Variants in TDP2 observed in about 807,000 individuals in gnomAD.
The protein encoded by TDP2 is 5'-Tyr-DNA phosphodiesterase.
In TDP2, 38 loss-of-function variants were observed where a neutral mutation model predicts 42.8. The ratio of observed to expected loss-of-function variants is 0.89; its 90% CI spans 0.68 to 1.16. The LOEUF (loss-of-function observed/expected upper bound fraction) is 1.16. Among genes scored for constraint, TDP2 ranks in the 50% most tolerant of loss-of-function variants. The pLI, the probability that TDP2 is intolerant of heterozygous loss-of-function variation, is 0.00. For missense variants in TDP2, 439 were observed against 439.3 expected (o/e 1.00, Z 0.01); for synonymous variants, 173 against 150.6 (o/e 1.15, Z -1.09).
intron 4 of TDP2, among the ~76,000 whole-genome samples, chr6:24,655,036 C>T (rs1449975697): frequency 1.3e-5 from 2 of 151,906 alleles, no homozygotes; most frequent in Non-Finnish European, 2.9e-5. Flanking sequence ...GAAATTCCGT[C>T]TCAAAATAAA....
chr6:24,657,904 C>A lies in TDP2; in HGVS notation c.426-1G>T. The A allele has an allele frequency of 6.5e-7, 1 of 1,539,814 alleles. No individual in the cohort carries two copies. Among genetic ancestry groups the A allele is most frequent in the East Asian group, 2.4e-5 (1 of 42,052 alleles). On this transcript the variant is annotated splice_acceptor_variant, in intron 3 of 6. Transcript: ENST00000378198. LOFTEE classifies it high-confidence loss of function. ...TAGAAATATCACATCTGGGCTGTAC[C>A]TAATGAAAAACATCAATTTATGACA...
rs1562148764 is a variant in TDP2 at position 24,658,637 on chromosome 6, TGAGA to T, written c.345_348del (p.Ile117ProfsTer7). 3 of 1,613,980 alleles carry T rather than the reference TGAGA, an allele frequency of 1.9e-6. No homozygotes were observed. ...TCTAATCCATCAATATTCCAGGTAA[TGAGA>T]GAGAACATGCTGCCATTTTCTTGCT... On this transcript the variant is annotated frameshift_variant, in exon 3 of 7. Coordinates refer to ENST00000378198, the MANE Select transcript of TDP2 (RefSeq NM_016614.3). LOFTEE classifies it high-confidence loss of function.
chr6:24,650,905 T>C lies in TDP2; in HGVS notation c.972A>G (p.Ala324=). 6 of 1,614,174 alleles carry C rather than the reference T, an allele frequency of 3.7e-6. No individual in the cohort carries two copies. The highest frequency in any genetic ancestry group is 5.1e-6 in the Non-Finnish European group (6 of 1,180,020). Residue 324 remains alanine, a synonymous_variant, in exon 7 of 7, where the codon GCA becomes GCG. Transcript: ENST00000378198. ...TTCGGGGAATAATGTGTCCCTCTTC[T>C]GCTGCTGCTCTGAAAAATATTCGAT... ...RFDRIFFRAA[A]EEGHIIPRSL... is the part of the protein sequence containing the mutation.
chr6:24,652,834 G>T, intron 6 of TDP2, 149 bp downstream of exon 6: 1 of 828,156 alleles, frequency 1.2e-6, no homozygotes, highest in Non-Finnish European at 2.0e-6. Flanking sequence ...TACAGCATAG[G>T]CTAAACAAAT....
At chr6:24,660,516 T>C (rs774181747) in intron 2 of TDP2, among the ~76,000 whole-genome samples, 34 of 152,268 alleles carry the variant, frequency 2.2e-4, no homozygotes, top group Non-Finnish European at 3.8e-4. Context: ...AATACAGTAA[T>C]ATAATCTTAT....
intron 2 of TDP2, among the ~76,000 whole-genome samples, chr6:24,661,833 G>T (rs1028284844): frequency 4.6e-5 from 7 of 152,090 alleles, no homozygotes; most frequent in African/African-American, 1.4e-4. Flanking sequence ...GGGAAAGAGA[G>T]ATCAGACTGT....
chr6:24,650,461 G>T lies in TDP2; in HGVS notation c.*327C>A. 4.4e-6 allele frequency: 1 copy of T among 229,198 alleles called. No homozygotes were observed. The highest frequency in any genetic ancestry group is 9.9e-5 in the South Asian group (1 of 10,094). The allele number at this position is 229,198 out of a possible 1,614,324, so 14.2% of individuals were successfully genotyped here. On this transcript the variant is annotated 3_prime_UTR_variant, in exon 7 of 7. Coordinates refer to ENST00000378198, the MANE Select transcript of TDP2 (RefSeq NM_016614.3). ...CTTATTTCAAATATTAACTATTTCG[G>T]TGCCTGAATGGAAAAATATAAACAT... is the stretch of plus-strand genomic sequence containing the variant.
chr6:24,653,748 A>G lies in TDP2; in HGVS notation c.637-595T>C, dbSNP rs540074702. 5.9e-5 allele frequency among the ~76,000 whole-genome samples: 9 copies of G among 152,234 alleles called. No individual in the cohort carries two copies. In the South Asian group the frequency reaches 1.5e-3, roughly 25 times the overall value. ...TAATCAGGAGCCTACCTACTTCTCA[A>G]CCTGTCACATTTGCCTCTCCATGGC... On this transcript the variant is annotated intron_variant, in intron 5 of 6. Transcript: ENST00000378198.
At chr6:24,653,834 T>TG (rs1354483411) in intron 5 of TDP2, among the ~76,000 whole-genome samples, 7 of 152,240 alleles carry the variant, frequency 4.6e-5, no homozygotes, top group African/African-American at 1.7e-4. Context: ...TCTTGCAACT[T>TG]GCAAAAGTTT....
chr6:24,663,090 A>C (rs1479896396), intron 2 of TDP2, among the ~76,000 whole-genome samples: 1 of 152,170 alleles, frequency 6.6e-6, no homozygotes, highest in East Asian at 1.9e-4. Context: ...TTTCCTCAAC[A>C]GGTGGACTGT....
chr6:24,660,757 T>C (rs1267727517), intron 2 of TDP2, among the ~76,000 whole-genome samples: 1 of 152,218 alleles, frequency 6.6e-6, no homozygotes, highest in Non-Finnish European at 1.5e-5. Flanking sequence ...ATGGCATGTC[T>C]CTTTTAATTT....
intron 1 of TDP2, 26 bp from the exon 2 acceptor site, chr6:24,666,637 A>T (rs748879090): frequency 1.9e-6 from 3 of 1,613,996 alleles, no homozygotes; most frequent in Admixed American, 1.7e-5. Context: ...ACAAGGGATG[A>T]GGTTTGTGCG....
chr6:24,652,224 T>C (rs1013501233), intron 6 of TDP2, among the ~76,000 whole-genome samples: 5 of 152,252 alleles, frequency 3.3e-5, no homozygotes, highest in Admixed American at 1.3e-4. Flanking sequence ...GGGTGAATAA[T>C]ATTCCACTGT....
At chr6:24,661,765 C>T (rs1778152732) in intron 2 of TDP2, among the ~76,000 whole-genome samples, 1 of 152,044 alleles carries the variant, frequency 6.6e-6, no homozygotes. Flanking sequence ...TCATCCTACC[C>T]AAAAGTTCTC....
Position 24,650,508 on chromosome 6 carries a change from C to T in TDP2, c.*280G>A. 2.6e-6 allele frequency: 1 copy of T among 390,440 alleles called. No individual in the cohort carries two copies. Among genetic ancestry groups the T allele is most frequent in the Non-Finnish European group, 4.6e-6 (1 of 217,428 alleles). The allele number at this position is 390,440 out of a possible 1,614,324, so 24.2% of individuals were successfully genotyped here. A position where few individuals can be genotyped will look rare whatever the true frequency, so the allele number is the denominator to read the frequency against. The stretch of plus-strand genomic sequence containing the variant: ...ACATTAGCTCAGAGACAATGTGGTA[C>T]CTGTTTGGAATCCAGCTGGCAGCTA... On this transcript the variant is annotated 3_prime_UTR_variant, in exon 7 of 7. Coordinates refer to ENST00000378198, the MANE Select transcript of TDP2 (RefSeq NM_016614.3).
chr6:24,661,323 A>T lies in TDP2; in HGVS notation c.252-2589T>A, dbSNP rs554292283. Among the ~76,000 whole-genome samples, 9 of 152,228 alleles carry T rather than the reference A, an allele frequency of 5.9e-5. No homozygotes were observed. In the South Asian group the frequency reaches 1.7e-3, roughly 28 times the overall value. ...TATGGGTTCTTTTTTTATGGATTGTAATCTATTCCTACCAAGCATCCTGTT... is the reference window on the plus strand; with the variant it reads ...TATGGGTTCTTTTTTTATGGATTGTTATCTATTCCTACCAAGCATCCTGTT... On this transcript the variant is annotated intron_variant, in intron 2 of 6. Transcript: ENST00000378198.
At chr6:24,665,764 T>C (rs1778221380) in intron 2 of TDP2, among the ~76,000 whole-genome samples, 1 of 151,876 alleles carries the variant, frequency 6.6e-6, no homozygotes, top group South Asian at 2.1e-4. Flanking sequence ...GCTATAAGAG[T>C]ACCTAAAAGG....
At chr6:24,661,113 T>A (rs1356472556) in intron 2 of TDP2, among the ~76,000 whole-genome samples, 1 of 152,246 alleles carries the variant, frequency 6.6e-6, no homozygotes, top group Non-Finnish European at 1.5e-5. Flanking sequence ...GTAAATATGC[T>A]GTTGTTCACT....
At chr6:24,653,958 A>G (rs1778017295) in intron 5 of TDP2, among the ~76,000 whole-genome samples, 1 of 152,214 alleles carries the variant, frequency 6.6e-6, no homozygotes, top group Non-Finnish European at 1.5e-5. Flanking sequence ...CAATCTGGCT[A>G]AAAGTCATCT....
Sources: gnomAD v4.1 joint callset for allele counts (sites outside exome capture counted in the v4.1 genomes callset) on GRCh38, gnomAD v4.1.1 for gene constraint, MANE v1.5 for transcripts, NCBI Gene and HGNC (gene_info 2026-07-23, HGNC 2026-07-21) for gene names.